Variants in AGMO observed in about 807,000 individuals in gnomAD.
AGMO encodes the protein glyceryl-ether monooxygenase.
Under a neutral mutation model 60.2 loss-of-function variants are expected in AGMO, and 75 were observed. The ratio of observed to expected loss-of-function variants is 1.25; its 90% confidence interval spans 1.03 to 1.51. The LOEUF is 1.51. AGMO is among the 40% of genes most tolerant of loss of function. The pLI is 0.00. For missense variants in AGMO, 763 were observed against 525.5 expected, an observed-to-expected ratio of 1.45 and a Z score of -4.42; for synonymous variants, 261 against 177.1, an observed-to-expected ratio of 1.47 and a Z score of -3.76.
chr7:15,346,919 A>G (rs1185285945), intron 12 of AGMO, among the ~76,000 whole-genome samples: 1 of 151,996 alleles, frequency 6.6e-6, no homozygotes, highest in East Asian at 1.9e-4. Flanking sequence ...TCATTCATGG[A>G]AAAACGACTC....
chr7:15,270,593 A>G (rs1379658205), intron 12 of AGMO, among the ~76,000 whole-genome samples: 4 of 63,046 alleles, frequency 6.3e-5, no homozygotes, highest in Non-Finnish European at 9.5e-5. Context: ...TAATCTGTTG[A>G]TAATTTTTTT....
chr7:15,486,580 T>C (rs1345149161), intron 3 of AGMO, among the ~76,000 whole-genome samples: 1 of 152,160 alleles, frequency 6.6e-6, no homozygotes, highest in Non-Finnish European at 1.5e-5. Flanking sequence ...CAAAATGTGA[T>C]AGTTGAAAGG....
chr7:15,480,344 T>C (rs1782717590), intron 3 of AGMO, among the ~76,000 whole-genome samples: 1 of 152,032 alleles, frequency 6.6e-6, no homozygotes, highest in South Asian at 2.1e-4. Context: ...ATGTTTAGAG[T>C]CAGTTGAATG....
chr7:15,222,936 A>C (rs1382567904), intron 12 of AGMO, among the ~76,000 whole-genome samples: 3 of 126,786 alleles, frequency 2.4e-5, no homozygotes, highest in African/African-American at 9.4e-5. Flanking sequence ...TATGCAGTTA[A>C]TATACAATTT....
At chr7:15,279,427 C>T (rs1293118433) in intron 12 of AGMO, among the ~76,000 whole-genome samples, 1 of 152,142 alleles carries the variant, frequency 6.6e-6, no homozygotes, top group Admixed American at 6.5e-5. Flanking sequence ...TGTCCACTAG[C>T]TGCTTCTAGT....
chr7:15,383,489 ACCT>A (rs71670544), intron 10 of AGMO, among the ~76,000 whole-genome samples: 30,976 of 151,870 alleles, frequency 0.2, 3,389 homozygotes, highest in African/African-American at 0.27. Flanking sequence ...ATTTCAAGAA[ACCT>A]CCTTTCCTTA....
In AGMO at chr7:15,242,886, T is replaced by A. The variant is rs75247356; in HGVS notation, c.1264-41527A>T. On this transcript the variant is annotated intron_variant, in intron 12 of 12. Coordinates refer to ENST00000342526, the MANE Select transcript of AGMO (RefSeq NM_001004320.2). Reference sequence around the variant, plus strand: ...TAGAAATAAGATAAATGACATTAAGTGTATATAATGATGAATGCTACTACA... The same window carrying A: ...TAGAAATAAGATAAATGACATTAAGAGTATATAATGATGAATGCTACTACA... Among the ~76,000 whole-genome samples the A allele has an allele frequency of 3.7e-3, 563 of 152,150 alleles. 1 individual carries two copies. The highest frequency in any genetic ancestry group is 0.011 in the African/African-American group (469 of 41,506).
At chr7:15,410,272 A>C (rs1784803522) in intron 5 of AGMO, among the ~76,000 whole-genome samples, 2 of 151,854 alleles carry the variant, frequency 1.3e-5, no homozygotes, top group South Asian at 4.1e-4. Flanking sequence ...TGCTACAAGA[A>C]TAGCAATAGA....
chr7:15,242,706 T>C (rs902593723), intron 12 of AGMO, among the ~76,000 whole-genome samples: 1 of 152,176 alleles, frequency 6.6e-6, no homozygotes. Flanking sequence ...AATATTTACA[T>C]GATTACCACT....
chr7:15,345,246 A>G (rs1014338181), intron 12 of AGMO, among the ~76,000 whole-genome samples: 3 of 152,154 alleles, frequency 2.0e-5, no homozygotes, highest in South Asian at 2.1e-4. Flanking sequence ...TAATTTTTCT[A>G]GTTTTTTTCT....
At chr7:15,417,754 C>G (rs1042172906) in intron 5 of AGMO, among the ~76,000 whole-genome samples, 2 of 152,120 alleles carry the variant, frequency 1.3e-5, no homozygotes, top group Non-Finnish European at 2.9e-5. Flanking sequence ...TTTGTTGTAT[C>G]AAGATTTCAC....
At chr7:15,282,554 C>T (rs1032495841) in intron 12 of AGMO, among the ~76,000 whole-genome samples, 4 of 152,058 alleles carry the variant, frequency 2.6e-5, no homozygotes, top group Non-Finnish European at 5.9e-5. Flanking sequence ...AAGAAATGAG[C>T]AATGTCTCCA....
At chr7:15,324,286 A>T (rs1781270403) in intron 12 of AGMO, among the ~76,000 whole-genome samples, 1 of 152,074 alleles carries the variant, frequency 6.6e-6, no homozygotes, top group South Asian at 2.1e-4. Context: ...AGACTTTTAG[A>T]CGTTGGTATC....
At chr7:15,306,039 T>A (rs374524583) in intron 12 of AGMO, among the ~76,000 whole-genome samples, 6 of 152,132 alleles carry the variant, frequency 3.9e-5, no homozygotes, top group African/African-American at 1.2e-4. Flanking sequence ...TTATGGTAAC[T>A]ATAAAAAGTG....
At chr7:15,380,084 C>T (rs888022015) in intron 10 of AGMO, among the ~76,000 whole-genome samples, 1 of 152,232 alleles carries the variant, frequency 6.6e-6, no homozygotes. Context: ...GAAGCATTCC[C>T]CTTGAAACCA....
chr7:15,320,317 C>G (rs1163432633), intron 12 of AGMO, among the ~76,000 whole-genome samples: 1 of 151,498 alleles, frequency 6.6e-6, no homozygotes, highest in African/African-American at 2.4e-5. Flanking sequence ...CCTAATGCAA[C>G]TGAAGAAAGT....
At chr7:15,513,505 T>G (rs954793685) in intron 3 of AGMO, among the ~76,000 whole-genome samples, 4 of 152,170 alleles carry the variant, frequency 2.6e-5, no homozygotes, top group African/African-American at 9.6e-5. Flanking sequence ...GACCCTTACC[T>G]TTGTCAAGTC....
At chr7:15,356,355 T>C (rs1376132855) in intron 12 of AGMO, among the ~76,000 whole-genome samples, 1 of 152,060 alleles carries the variant, frequency 6.6e-6, no homozygotes, top group East Asian at 1.9e-4. Flanking sequence ...GGAATAGAAA[T>C]GGATACAAGT....
intron 12 of AGMO, among the ~76,000 whole-genome samples, chr7:15,243,341 T>C (rs555762099): frequency 2.0e-5 from 3 of 152,212 alleles, no homozygotes; most frequent in Admixed American, 1.3e-4. Flanking sequence ...CAAAAGAGCA[T>C]CCGGTTAAAA....
Sources: allele counts gnomAD v4.1 joint callset (sites outside exome capture counted in the v4.1 genomes callset), GRCh38; gene constraint gnomAD v4.1.1; transcripts MANE v1.5; gene names NCBI Gene and HGNC (gene_info 2026-07-23, HGNC 2026-07-21).